Variants in VWF observed in about 807,000 individuals in gnomAD.
VWF encodes the protein Factor VIII related antigen.
VWF carries 176 observed loss-of-function variants against 308.6 expected under a neutral mutation model. The ratio of observed to expected loss-of-function variants is 0.57; its 90% CI spans 0.50 to 0.65. VWF has a LOEUF of 0.65. VWF is among the 30% of genes least tolerant of loss of function. VWF has a pLI of 0.00. For missense variants in VWF, 3,146 were observed against 3,648.2 expected (o/e 0.86, Z 3.55); for synonymous variants, 1,385 against 1,443.4 (o/e 0.96, Z 0.92).
In VWF at chr12:6,029,447, C is replaced by CTT; in HGVS notation, c.2861_2862insAA (p.Val955ArgfsTer25). On this transcript the variant is annotated frameshift_variant, in exon 22 of 52. Transcript: ENST00000261405. LOFTEE classifies it high-confidence loss of function. ...TGATGTACCGGCCAGACTCCACCAC[C>CTT]TCAAAGTGAGTCTCATCCTTCATGG... The CTT allele has an allele frequency of 1.9e-6, 3 of 1,614,190 alleles. No individual in the cohort carries two copies. The highest frequency in any genetic ancestry group is 2.5e-6 in the Non-Finnish European group (3 of 1,180,034).
chr12:5,976,020 A>T (rs1943529032), intron 43 of VWF, 91 bp downstream of exon 43: 3 of 1,585,464 alleles, frequency 1.9e-6, no homozygotes, highest in Non-Finnish European at 2.6e-6. Flanking sequence ...CATTTCAAAA[A>T]AAAAAGAACC....
At chr12:6,114,200 G>A (rs923611561) in intron 3 of VWF, among the ~76,000 whole-genome samples, 3 of 152,186 alleles carry the variant, frequency 2.0e-5, no homozygotes, top group Non-Finnish European at 4.4e-5. Flanking sequence ...AAGGGTGGGT[G>A]GGACCAAGTC....
intron 10 of VWF, among the ~76,000 whole-genome samples, chr12:6,067,607 G>A (rs1376210650): frequency 6.6e-6 from 1 of 152,170 alleles, no homozygotes; most frequent in Non-Finnish European, 1.5e-5. Flanking sequence ...AAATGGGTGG[G>A]TGAGCTGCCA....
intron 30 of VWF, 141 bp from the exon 31 acceptor site, chr12:6,016,373 G>C: frequency 1.4e-6 from 2 of 1,448,606 alleles, no homozygotes; most frequent in Non-Finnish European, 1.9e-6. Flanking sequence ...GGAGAGACGT[G>C]GAAGAGCATC....
At chr12:6,030,241 CAT>C (rs751075746) in intron 21 of VWF, among the ~76,000 whole-genome samples, 11 of 152,234 alleles carry the variant, frequency 7.2e-5, no homozygotes, top group Non-Finnish European at 1.6e-4. Flanking sequence ...CTATCCCTCA[CAT>C]GTCTGCACAC....
At chr12:6,092,673 G>GTGTGTA (rs1356836169) in intron 6 of VWF, among the ~76,000 whole-genome samples, 1,420 of 123,428 alleles carry the variant, frequency 0.012, 120 homozygotes, top group African/African-American at 0.021. Flanking sequence ...GTGTGTGTGT[G>GTGTGTA]CTGACCAGCA....
intron 20 of VWF, among the ~76,000 whole-genome samples, 200 bp from the exon 21 acceptor site, chr12:6,031,778 C>T (rs1944266641): frequency 6.7e-6 from 1 of 148,904 alleles, no homozygotes; most frequent in Middle Eastern, 3.4e-3. Flanking sequence ...GTGTCAACCT[C>T]GCCCACGACA....
At position 6,043,227 on chromosome 12, in the gene VWF, G is replaced by T. The variant is rs554752340; in HGVS notation, c.2442+1064C>A. On this transcript the variant is annotated intron_variant, in intron 18 of 51. Coordinates refer to ENST00000261405, the MANE Select transcript of VWF (RefSeq NM_000552.5). ...GTCTCTCTGTTTGGGAGAAGAAAGA[G>T]TTGAAGGGGAAGTAGAAAAGTAAGC... Among the ~76,000 whole-genome samples, 13 of 152,306 alleles carry T rather than the reference G, an allele frequency of 8.5e-5. No homozygotes were observed. In the South Asian group the frequency reaches 2.5e-3, roughly 29 times the overall value.
At position 6,075,889 on chromosome 12, in the gene VWF, G is replaced by A. The variant is rs1474928058; in HGVS notation, c.658-338C>T. 1.3e-5 allele frequency among the ~76,000 whole-genome samples: 2 copies of A among 152,192 alleles called. No individual in the cohort carries two copies. The highest frequency in any genetic ancestry group is 2.9e-5 in the Non-Finnish European group (2 of 68,024). On this transcript the variant is annotated intron_variant, in intron 6 of 51. Coordinates refer to ENST00000261405, the MANE Select transcript of VWF (RefSeq NM_000552.5). The surrounding 1 kb of genome is among the most constrained non-coding windows in gnomAD (Gnocchi z 4.7). ...AGCATGCGCCCTGGAGTTGGCCTGGGTGGCTGCAGAGTCCAGGAATGCTGT... is the reference window on the plus strand; with the variant it reads ...AGCATGCGCCCTGGAGTTGGCCTGGATGGCTGCAGAGTCCAGGAATGCTGT...
intron 44 of VWF, among the ~76,000 whole-genome samples, chr12:5,970,789 A>G (rs1324286478): frequency 6.6e-6 from 1 of 152,174 alleles, no homozygotes; most frequent in African/African-American, 2.4e-5. Flanking sequence ...GCTGGGGAAG[A>G]CAGAGGCAAG....
At chr12:6,081,337 T>TTGTTA (rs1944908154) in intron 6 of VWF, among the ~76,000 whole-genome samples, 1 of 149,424 alleles carries the variant, frequency 6.7e-6, no homozygotes, top group Admixed American at 6.7e-5. Flanking sequence ...GTGGTGTTTT[T>TTGTTA]TGTTTTGTTT....
At chr12:6,034,603 A>T in intron 20 of VWF, 85 bp downstream of exon 20, 1 of 1,601,324 alleles carries the variant, frequency 6.2e-7, no homozygotes, top group South Asian at 1.1e-5. Flanking sequence ...TTCTGCAGAC[A>T]GATCCACAGA....
intron 15 of VWF, 25 bp from the exon 16 acceptor site, chr12:6,052,808 C>A (rs1432868915): frequency 1.4e-6 from 2 of 1,437,130 alleles, no homozygotes; most frequent in Non-Finnish European, 1.9e-6. Flanking sequence ...AGAAGTAAGG[C>A]CTCAGCGGGA....
rs181955602 is a variant in VWF, at chr12:5,964,035, G to A, written c.7887+3451C>T. Among the ~76,000 whole-genome samples, 452 of 152,046 alleles carry A rather than the reference G, an allele frequency of 3.0e-3. 3 individuals carry two copies. Among genetic ancestry groups the A allele is most frequent in the South Asian group, 0.012 (59 of 4,822 alleles). ...ATTCTGGTTAACACGGTGAAACCCC[G>A]TCTCTACTAAAAATACAAAAAAAAG... On this transcript the variant is annotated intron_variant, in intron 47 of 51. Transcript: ENST00000261405.
chr12:6,070,380 A>T (rs1203629727), intron 10 of VWF, among the ~76,000 whole-genome samples: 1 of 152,174 alleles, frequency 6.6e-6, no homozygotes, highest in Non-Finnish European at 1.5e-5. Flanking sequence ...AGTCCCAGGT[A>T]TCCAAGCTCA....
chr12:6,028,949 A>T (rs2136424094), intron 22 of VWF, among the ~76,000 whole-genome samples: 1 of 152,356 alleles, frequency 6.6e-6, no homozygotes, highest in East Asian at 1.9e-4. Flanking sequence ...TGCCCCAATT[A>T]AAAGGCACAG....
chr12:6,103,397 CACGT>C lies in VWF; in HGVS notation c.532+6973_532+6976del, dbSNP rs1166027655. ...GTGTGTGTATACACGTGTGTGTATA[CACGT>C]GTGTGTATACACACGTGTGTGTATA... On this transcript the variant is annotated intron_variant, in intron 5 of 51. Coordinates refer to ENST00000261405, the MANE Select transcript of VWF (RefSeq NM_000552.5). Among the ~76,000 whole-genome samples the C allele has an allele frequency of 3.7e-5, 4 of 109,564 alleles. 2 individuals carry two copies. The highest frequency in any genetic ancestry group is 4.7e-4 in the South Asian group (2 of 4,244). The allele number at this position is 109,564 out of a possible 152,430, so 71.9% of individuals were successfully genotyped here.
chr12:6,030,646 A>T (rs1441611441), intron 21 of VWF, among the ~76,000 whole-genome samples: 3 of 152,172 alleles, frequency 2.0e-5, no homozygotes, highest in African/African-American at 7.2e-5. Context: ...TTTAAACAAG[A>T]TCTCCTAAGG....
chr12:6,011,913 C>G, intron 33 of VWF, 119 bp from the exon 34 acceptor site: 1 of 1,194,980 alleles, frequency 8.4e-7, no homozygotes, highest in South Asian at 1.2e-5. Flanking sequence ...AAGGAGGCCC[C>G]CTGTACATGA....
Sources: gnomAD v4.1 joint callset for allele counts (sites outside exome capture counted in the v4.1 genomes callset) on GRCh38, gnomAD v4.1.1 for gene constraint, Gnocchi (gnomAD v3.1) non-coding constraint, MANE v1.5 for transcripts, NCBI Gene and HGNC (gene_info 2026-07-23, HGNC 2026-07-21) for gene names.